The following PDE8B variants were observed in gnomAD, a reference collection of about 807,000 sequenced individuals.
PDE8B encodes phosphodiesterase 8B.
Under a neutral mutation model 101.3 loss-of-function variants are expected in PDE8B, and 26 were observed. That is an observed-to-expected ratio of 0.26 (90% CI 0.19 to 0.36). The LOEUF (loss-of-function observed/expected upper bound fraction) is 0.36, where lower values mean the gene tolerates loss of function less well. Among genes scored for constraint, PDE8B ranks in the 10% least tolerant of loss-of-function variants. The pLI is 1.00. For synonymous variants in PDE8B, 424 were observed against 429.3 expected, an observed-to-expected ratio of 0.99 and a Z score of 0.15; for missense variants, 810 against 1,163.1, an observed-to-expected ratio of 0.70 and a Z score of 4.42.
chr5:77,218,690 C>T (rs759707031), intron 1 of PDE8B, among the ~76,000 whole-genome samples: 6 of 152,180 alleles, frequency 3.9e-5, no homozygotes, highest in Admixed American at 1.3e-4. Flanking sequence ...TTAAAAAATG[C>T]ACACAAAATG....
chr5:77,265,414 C>T (rs977647526), intron 1 of PDE8B, among the ~76,000 whole-genome samples: 20 of 152,244 alleles, frequency 1.3e-4, no homozygotes, highest in African/African-American at 4.8e-4. Context: ...CAGCCACAAT[C>T]GCTAGTTCAT....
chr5:77,227,118 T>A (rs1323588332), intron 1 of PDE8B, among the ~76,000 whole-genome samples: 1 of 152,246 alleles, frequency 6.6e-6, no homozygotes, highest in Non-Finnish European at 1.5e-5. Context: ...TACCTTATTT[T>A]GGTATTAATC....
At chr5:77,285,956 G>T (rs559556259) in intron 1 of PDE8B, among the ~76,000 whole-genome samples, 71 of 151,894 alleles carry the variant, frequency 4.7e-4, no homozygotes, top group African/African-American at 1.7e-3. Context: ...TCTATTTTTG[G>T]CTGAGAGTTC....
At chr5:77,158,136 G>A in the PDE8B span, among the ~76,000 whole-genome samples, 1 of 152,192 alleles carries the variant, frequency 6.6e-6, no homozygotes, top group Admixed American at 6.5e-5. Flanking sequence ...TCATACCCAG[G>A]TGTATGACTC....
chr5:77,121,118 C>A, the PDE8B span, among the ~76,000 whole-genome samples: 1 of 152,226 alleles, frequency 6.6e-6, no homozygotes, highest in Non-Finnish European at 1.5e-5. Flanking sequence ...TCCACAATTC[C>A]TGTGGGTCAG....
chr5:77,400,328 G>T, intron 11 of PDE8B, 38 bp downstream of exon 11: 1 of 1,251,622 alleles, frequency 8.0e-7, no homozygotes, highest in Non-Finnish European at 1.2e-6. Flanking sequence ...ATACTTAGGA[G>T]GCAGCTGTGG....
intron 1 of PDE8B, among the ~76,000 whole-genome samples, chr5:77,224,693 T>G (rs1022324512): frequency 6.6e-6 from 1 of 152,256 alleles, no homozygotes; most frequent in African/African-American, 2.4e-5. Flanking sequence ...TAAAGATTTT[T>G]TTAATCATCT....
At chr5:77,214,043 AT>A (rs1190583612) in intron 1 of PDE8B, 1 of 152,206 alleles carries the variant, frequency 6.6e-6, no homozygotes, top group Non-Finnish European at 1.5e-5. Context: ...CTTCCTAGCA[AT>A]TTCTTTCCTT....
chr5:77,098,339 A>G, the PDE8B span, among the ~76,000 whole-genome samples: 1 of 150,990 alleles, frequency 6.6e-6, no homozygotes, highest in South Asian at 2.1e-4. Flanking sequence ...ACTGGGATGC[A>G]GTGTCATAAT....
intron 14 of PDE8B, among the ~76,000 whole-genome samples, chr5:77,409,302 A>G (rs1285237457): frequency 1.3e-5 from 2 of 152,124 alleles, no homozygotes; most frequent in East Asian, 1.9e-4. Flanking sequence ...CAGAATTCCT[A>G]TGACTGCAGG....
chr5:77,329,934 A>T (rs1242052636), intron 4 of PDE8B, among the ~76,000 whole-genome samples: 1 of 152,110 alleles, frequency 6.6e-6, no homozygotes, highest in Non-Finnish European at 1.5e-5. Context: ...GCAAAGTCTT[A>T]CCCTCACTGA....
At chr5:77,373,813 A>C (rs564098018) in intron 10 of PDE8B, among the ~76,000 whole-genome samples, 1 of 152,006 alleles carries the variant, frequency 6.6e-6, no homozygotes, top group East Asian at 1.9e-4. Context: ...TATCCTTTTT[A>C]TCATTATAAA....
chr5:77,196,782 A>G, the PDE8B span, among the ~76,000 whole-genome samples: 59 of 152,064 alleles, frequency 3.9e-4, no homozygotes, highest in Non-Finnish European at 5.7e-4. Flanking sequence ...TCTTCTTTAT[A>G]TATTTTGTAG....
At chr5:77,233,343 A>AT (rs1753970868) in intron 1 of PDE8B, among the ~76,000 whole-genome samples, 1 of 152,082 alleles carries the variant, frequency 6.6e-6, no homozygotes, top group African/African-American at 2.4e-5. Flanking sequence ...GCAGTCCTAC[A>AT]TCCCCCTTCC....
At chr5:77,118,440 G>A in the PDE8B span, 2 of 398,550 alleles carry the variant, frequency 5.0e-6, no homozygotes, top group East Asian at 3.6e-5. Flanking sequence ...GTCATGAGGT[G>A]CTTCAGAGTA....
At chr5:77,378,957 T>A (rs1253320748) in intron 10 of PDE8B, among the ~76,000 whole-genome samples, 1 of 152,162 alleles carries the variant, frequency 6.6e-6, no homozygotes, top group East Asian at 1.9e-4. Flanking sequence ...TGTAGATATT[T>A]GAAAGACATT....
rs77009772 is a variant in PDE8B, at chr5:77,333,065, A to G, written c.708+1606A>G. 4.3e-4 allele frequency among the ~76,000 whole-genome samples: 66 copies of G among 152,148 alleles called. No homozygotes were observed. The East Asian group carries it at 0.012, about 29-fold the overall frequency. On this transcript the variant is annotated intron_variant, in intron 5 of 21. Transcript: ENST00000264917. ...TGATGCAGTTGTTTTGTGCTTTGGT[A>G]TGCTTCAGTGTGGAAGAAAGTGCTA...
At chr5:77,182,102 C>A in the PDE8B span, among the ~76,000 whole-genome samples, 1 of 151,992 alleles carries the variant, frequency 6.6e-6, no homozygotes, top group African/African-American at 2.4e-5. Flanking sequence ...AGTTGTGAAA[C>A]TCAGGGCAAG....
At chr5:77,271,181 CT>C (rs1184574693) in intron 1 of PDE8B, among the ~76,000 whole-genome samples, 1 of 152,240 alleles carries the variant, frequency 6.6e-6, no homozygotes. Flanking sequence ...ACCATAAGAT[CT>C]CCCTATTCCA....
Sources: gnomAD v4.1 joint callset for allele counts (sites outside exome capture counted in the v4.1 genomes callset) on GRCh38, gnomAD v4.1.1 for gene constraint, MANE v1.5 for transcripts, NCBI Gene and HGNC (gene_info 2026-07-23, HGNC 2026-07-21) for gene names.